Variants in PIK3CB observed in about 807,000 individuals in gnomAD.
PIK3CB encodes phosphatidylinositol 4,5-bisphosphate 3-kinase catalytic subunit beta isoform.
Under a neutral mutation model 136.8 loss-of-function variants are expected in PIK3CB, and 39 were observed. The observed-to-expected ratio is 0.29, with a 90% CI of 0.22 to 0.37. The LOEUF is 0.37. Ranked by LOEUF, PIK3CB falls within the 10% of genes least tolerant of loss-of-function variation. The pLI, the probability that PIK3CB is intolerant of heterozygous loss-of-function variation, is 1.00. For synonymous variants in PIK3CB, 428 were observed against 436.6 expected (o/e 0.98, Z 0.25); for missense variants, 868 against 1,275.4 (o/e 0.68, Z 4.87).
At chr3:138,697,697 C>T (rs945418412) in intron 13 of PIK3CB, among the ~76,000 whole-genome samples, 2 of 151,766 alleles carry the variant, frequency 1.3e-5, no homozygotes, top group African/African-American at 2.4e-5. Context: ...CCACCTCAGC[C>T]TCCCAAAGTG....
chr3:138,663,774 A>G (rs2043350295), intron 21 of PIK3CB, 132 bp downstream of exon 21: 1 of 821,402 alleles, frequency 1.2e-6, no homozygotes, highest in Non-Finnish European at 1.9e-6. Flanking sequence ...AGAGGTAGTG[A>G]GAAATTGAAG....
intron 1 of PIK3CB, among the ~76,000 whole-genome samples, chr3:138,801,412 G>A (rs1364050716): frequency 6.6e-6 from 1 of 152,038 alleles, no homozygotes; most frequent in African/African-American, 2.4e-5. Flanking sequence ...TTGTAAGAAT[G>A]ACAGAATAGG....
chr3:138,679,251 A>G (rs547291753), intron 19 of PIK3CB, among the ~76,000 whole-genome samples: 27 of 152,318 alleles, frequency 1.8e-4, no homozygotes, highest in African/African-American at 6.5e-4. Flanking sequence ...ACTTGATACA[A>G]TAACAACACA....
chr3:138,708,238 C>CT (rs1387609014), intron 10 of PIK3CB, among the ~76,000 whole-genome samples: 2 of 150,782 alleles, frequency 1.3e-5, no homozygotes, highest in Non-Finnish European at 3.0e-5. Context: ...ATTTTCTCAC[C>CT]TCACGGACTC....
intron 10 of PIK3CB, among the ~76,000 whole-genome samples, chr3:138,708,016 C>A (rs557178349): frequency 6.6e-6 from 1 of 152,176 alleles, no homozygotes; most frequent in Admixed American, 6.5e-5. Flanking sequence ...GTTAGGTGTA[C>A]AATCTAAGAT....
intron 19 of PIK3CB, among the ~76,000 whole-genome samples, chr3:138,681,188 G>A (rs531596067): frequency 6.6e-5 from 10 of 151,410 alleles, no homozygotes; most frequent in South Asian, 2.1e-4. Context: ...CTGGGAGTAC[G>A]GGCATGTGCT....
Position 138,820,347 on chromosome 3 carries a change from A to G in PIK3CB, c.-122+14348T>C, listed in dbSNP as rs1359366031. The stretch of plus-strand genomic sequence containing the variant: ...TCACCTCAGAATTTCCTGTTACAAT[A>G]TTATTACATTACTCATTAATAGGAA... On this transcript the variant is annotated intron_variant, in intron 1 of 23. Coordinates refer to ENST00000674063, the MANE Select transcript of PIK3CB (RefSeq NM_006219.3). Among the ~76,000 whole-genome samples the G allele has an allele frequency of 3.3e-5, 5 of 152,332 alleles. No homozygotes were observed. In the East Asian group the frequency reaches 9.6e-4, roughly 29 times the overall value.
rs140458035 is a variant in PIK3CB, at chr3:138,684,750, G to C, written c.2190C>G (p.Ala730=). The change falls in exon 17 of 24, where the codon GCC becomes GCG. Residue 730 remains alanine (A), a synonymous_variant. Coordinates refer to ENST00000674063, the MANE Select transcript of PIK3CB (RefSeq NM_006219.3). ...KTLNSLIKLN[A]VKLNRAKGKE... is the part of the protein sequence containing the mutation. The stretch of plus-strand genomic sequence containing the variant: ...TCCCTTTGGCTCTGTTTAACTTCAC[G>C]GCATTCAGTTTGATTAAACTATTTA... 2 of 1,613,746 alleles carry C rather than the reference G, an allele frequency of 1.2e-6. No individual in the cohort carries two copies.
Position 138,704,336 on chromosome 3 carries a change from T to C in PIK3CB, c.1581+107A>G, listed in dbSNP as rs148827446. The C allele has an allele frequency of 5.6e-5, 45 of 804,904 alleles. No homozygotes were observed. The East Asian group carries it at 1.0e-3, about 18-fold the overall frequency. The allele number at this position is 804,904 out of a possible 1,614,324, so 49.9% of individuals were successfully genotyped here. On this transcript the variant is annotated intron_variant, in intron 12 of 23. Transcript: ENST00000674063. ...ACTTACCCACACTCACAGACTGTTC[T>C]TGCATATGAGTTACGGTCTTCTGTG...
intron 5 of PIK3CB, among the ~76,000 whole-genome samples, chr3:138,740,541 C>A (rs2045222548): frequency 6.6e-6 from 1 of 152,212 alleles, no homozygotes; most frequent in African/African-American, 2.4e-5. Context: ...CGCATGCCTC[C>A]TCTTTCCTCC....
At chr3:138,740,545 T>C (rs754356866) in intron 5 of PIK3CB, among the ~76,000 whole-genome samples, 17 of 152,188 alleles carry the variant, frequency 1.1e-4, no homozygotes, top group Admixed American at 9.8e-4. Flanking sequence ...TGCCTCCTCT[T>C]TCCTCCTTGA....
At chr3:138,691,200 C>T (rs2044000213) in intron 14 of PIK3CB, 57 bp from the exon 15 acceptor site, 2 of 1,508,516 alleles carry the variant, frequency 1.3e-6, no homozygotes, top group South Asian at 1.2e-5. Context: ...GAAAAAGATC[C>T]CTTGGTATCA....
At chr3:138,687,193 T>C (rs2043913254) in intron 16 of PIK3CB, among the ~76,000 whole-genome samples, 1 of 150,712 alleles carries the variant, frequency 6.6e-6, no homozygotes, top group Admixed American at 6.6e-5. Context: ...AACAGCTATG[T>C]ACAGGGTAAA....
intron 12 of PIK3CB, among the ~76,000 whole-genome samples, chr3:138,701,590 T>C (rs1370117404): frequency 6.6e-6 from 1 of 151,846 alleles, no homozygotes; most frequent in African/African-American, 2.4e-5. Flanking sequence ...ATCGAGACCA[T>C]CCTGGCCAAC....
chr3:138,694,869 G>T lies in PIK3CB; in HGVS notation c.1809C>A (p.Pro603=), dbSNP rs1472536302. 6.2e-7 allele frequency: 1 copy of T among 1,612,030 alleles called. No homozygotes were observed. The change falls in exon 14 of 24, where the codon CCC becomes CCA. Residue 603 remains proline (P), a synonymous_variant. Coordinates refer to ENST00000674063, the MANE Select transcript of PIK3CB (RefSeq NM_006219.3). ...ALLQIWPKLP[P]REALELLDFN... ...AATCCAGAAGCTCTAGGGCCTCCCG[G>T]GGGGGCAGTTTAGGCCAAATCTGAA...
chr3:138,784,477 C>T (rs966244922), intron 2 of PIK3CB, among the ~76,000 whole-genome samples: 1 of 152,098 alleles, frequency 6.6e-6, no homozygotes, highest in African/African-American at 2.4e-5. Flanking sequence ...CCTCTGATGC[C>T]GAGCGGAGGC....
At position 138,742,590 on chromosome 3, in the gene PIK3CB, G is replaced by A. The variant is rs774996509; in HGVS notation, c.589C>T (p.Leu197Phe). 4 of 1,587,492 alleles carry A rather than the reference G, an allele frequency of 2.5e-6. No individual in the cohort carries two copies. The highest frequency in any genetic ancestry group is 2.7e-5 in the African/African-American group (2 of 74,358). Residue 197 changes from leucine (L) to phenylalanine (F), a missense_variant, in exon 5 of 24, where the codon CTC (leucine) becomes TTC (phenylalanine). Leu to Phe is a conservative substitution (Grantham distance 22). Transcript: ENST00000674063. ...NLEDKLYGGK[L>F]IVAVHFENCQ... ...TTTTCAAAATGAACAGCTACGATGA[G>A]CTTTCCCCCATAAAGTTTATCTTCT...
At chr3:138,675,645 T>C (rs1211230494) in intron 19 of PIK3CB, among the ~76,000 whole-genome samples, 2 of 152,044 alleles carry the variant, frequency 1.3e-5, no homozygotes, top group African/African-American at 4.8e-5. Flanking sequence ...CAGAAGAAAG[T>C]GGGATGACAT....
At chr3:138,752,998 T>A (rs2045500778) in intron 4 of PIK3CB, among the ~76,000 whole-genome samples, 1 of 152,208 alleles carries the variant, frequency 6.6e-6, no homozygotes. Flanking sequence ...TTCAGAGAGA[T>A]ACCAATGCCT....
Sources: allele counts gnomAD v4.1 joint callset (sites outside exome capture counted in the v4.1 genomes callset), GRCh38; gene constraint gnomAD v4.1.1; transcripts MANE v1.5; gene names NCBI Gene and HGNC (gene_info 2026-07-23, HGNC 2026-07-21).